The following HOOK1 variants were observed in gnomAD, a reference collection of about 807,000 sequenced individuals.
HOOK1 encodes hook microtubule tethering protein 1, also known as protein Hook homolog 1.
Under a neutral mutation model 112.8 loss-of-function variants are expected in HOOK1, and 60 were observed. The observed-to-expected ratio is 0.53, with a 90% CI of 0.43 to 0.66. HOOK1 has a LOEUF of 0.66. Among genes scored for constraint, HOOK1 ranks in the 30% least tolerant of loss-of-function variants. HOOK1 has a pLI of 0.00. For synonymous variants in HOOK1, 294 were observed against 283.8 expected (o/e 1.04, Z -0.36); for missense variants, 770 against 856.0 (o/e 0.90, Z 1.25).
At chr1:59,856,236 C>G (rs908697013) in intron 12 of HOOK1, among the ~76,000 whole-genome samples, 2 of 150,362 alleles carry the variant, frequency 1.3e-5, no homozygotes, top group African/African-American at 4.9e-5. Context: ...TGAGCTACCA[C>G]AACCAGCCCC....
intron 16 of HOOK1, chr1:59,863,975 A>ACATTTATCTT: frequency 1.1e-5 from 2 of 189,688 alleles, no homozygotes; most frequent in Non-Finnish European, 2.0e-5. Flanking sequence ...TGTTTTAAAG[A>ACATTTATCTT]TAAATGTCTT....
intron 14 of HOOK1, among the ~76,000 whole-genome samples, chr1:59,859,927 C>G (rs1288033349): frequency 6.6e-6 from 1 of 152,006 alleles, no homozygotes; most frequent in Non-Finnish European, 1.5e-5. Context: ...TGATTTATAG[C>G]ATAATCTTAT....
chr1:59,831,373 C>T (rs991432881), intron 3 of HOOK1, among the ~76,000 whole-genome samples: 17 of 152,192 alleles, frequency 1.1e-4, no homozygotes, highest in Non-Finnish European at 1.5e-4. Flanking sequence ...AGCATGGTGT[C>T]TTCATTCTGG....
chr1:59,827,300 T>C (rs1022571036), intron 2 of HOOK1, among the ~76,000 whole-genome samples: 7 of 152,196 alleles, frequency 4.6e-5, no homozygotes, highest in African/African-American at 1.4e-4. Context: ...AGTCTACTGA[T>C]TTAAATGTTA....
intron 12 of HOOK1, among the ~76,000 whole-genome samples, chr1:59,855,984 A>ATATATATAT (rs2098410511): frequency 3.3e-5 from 2 of 60,292 alleles, no homozygotes; most frequent in Admixed American, 2.2e-4. Context: ...ATATATATAT[A>ATATATATAT]TTTTTTTTTT....
chr1:59,832,618 G>A (rs889795495), intron 4 of HOOK1, among the ~76,000 whole-genome samples: 1 of 151,978 alleles, frequency 6.6e-6, no homozygotes, highest in Non-Finnish European at 1.5e-5. Flanking sequence ...TGGAAAAAAT[G>A]CAAAATAAAA....
chr1:59,834,397 G>A (rs2098396118), intron 5 of HOOK1, among the ~76,000 whole-genome samples: 1 of 152,110 alleles, frequency 6.6e-6, no homozygotes, highest in Non-Finnish European at 1.5e-5. Context: ...ATTAATTGTA[G>A]TTTATCAATT....
At chr1:59,868,209 TTAAAA>T in intron 19 of HOOK1, 36 bp from the exon 20 acceptor site, 2 of 1,088,188 alleles carry the variant, frequency 1.8e-6, no homozygotes, top group Non-Finnish European at 2.8e-6. Flanking sequence ...TTTTAATACT[TTAAAA>T]TATAAAGTGA....
chr1:59,818,174 T>C (rs1024202146), intron 1 of HOOK1, among the ~76,000 whole-genome samples: 1 of 152,126 alleles, frequency 6.6e-6, no homozygotes, highest in African/African-American at 2.4e-5. Flanking sequence ...CCTTTGGCTA[T>C]AGATTAAAGG....
chr1:59,840,167 A>G, intron 7 of HOOK1, 141 bp from the exon 8 acceptor site: 2 of 431,048 alleles, frequency 4.6e-6, no homozygotes, highest in Non-Finnish European at 8.0e-6. Context: ...TTGTTGTAAG[A>G]GTCATTTCTT....
intron 9 of HOOK1, among the ~76,000 whole-genome samples, chr1:59,843,998 C>T (rs536403042): frequency 6.6e-6 from 1 of 152,124 alleles, no homozygotes; most frequent in East Asian, 1.9e-4. Context: ...ATTTCTTTAA[C>T]AAAGTCATGT....
At chr1:59,871,528 G>A in intron 21 of HOOK1, among the ~76,000 whole-genome samples, 1 of 152,184 alleles carries the variant, frequency 6.6e-6, no homozygotes, top group Non-Finnish European at 1.5e-5. Flanking sequence ...TAAAGCCTCA[G>A]TGTGTCCTTT....
chr1:59,856,609 G>C (rs12407264), intron 12 of HOOK1, among the ~76,000 whole-genome samples: 4,951 of 151,692 alleles, frequency 0.033, 97 homozygotes, highest in Non-Finnish European at 0.046. Context: ...GTTTATTGTT[G>C]TTGCTGTTTG....
intron 12 of HOOK1, among the ~76,000 whole-genome samples, chr1:59,855,189 T>G (rs1189193226): frequency 3.9e-5 from 6 of 152,214 alleles, no homozygotes; most frequent in Non-Finnish European, 5.9e-5. Context: ...GTTATATAGG[T>G]CAACTCATGC....
intron 6 of HOOK1, 133 bp downstream of exon 6, chr1:59,835,545 TC>T: frequency 1.7e-6 from 1 of 578,346 alleles, no homozygotes; most frequent in Middle Eastern, 4.1e-4. Flanking sequence ...TAGTGGGTCT[TC>T]CTTTTTTACC....
chr1:59,847,358 C>T (rs978886105), intron 10 of HOOK1, among the ~76,000 whole-genome samples, 173 bp downstream of exon 10: 2 of 151,636 alleles, frequency 1.3e-5, no homozygotes, highest in African/African-American at 4.8e-5. Flanking sequence ...TTTGGGCTTG[C>T]AGTTCATGGA....
Position 59,821,838 on chromosome 1 carries a change from T to C in HOOK1, c.64-20T>C, listed in dbSNP as rs756697198. The C allele has an allele frequency of 1.0e-5, 16 of 1,544,502 alleles. No individual in the cohort carries two copies. In the South Asian group the frequency reaches 1.8e-4, roughly 18 times the overall value. On this transcript the variant is annotated intron_variant, in intron 1 of 21. Coordinates refer to ENST00000371208, the MANE Select transcript of HOOK1 (RefSeq NM_015888.6). ...TAGGTATAAAGAAGCAGTAAGATCA[T>C]TTGATTTATGTCATTTTAGCTGCAG...
chr1:59,868,594 A>G (rs1281302386), intron 20 of HOOK1, among the ~76,000 whole-genome samples: 3 of 152,228 alleles, frequency 2.0e-5, no homozygotes, highest in African/African-American at 7.2e-5. Flanking sequence ...AACAGGCATT[A>G]TATGGCTATC....
intron 15 of HOOK1, among the ~76,000 whole-genome samples, chr1:59,861,583 G>A (rs1022445325): frequency 6.6e-6 from 1 of 152,140 alleles, no homozygotes; most frequent in African/African-American, 2.4e-5. Context: ...TAGTAACCAT[G>A]TAGTAACCAA....
Sources: allele counts gnomAD v4.1 joint callset (sites outside exome capture counted in the v4.1 genomes callset), GRCh38; gene constraint gnomAD v4.1.1; transcripts MANE v1.5; gene names NCBI Gene and HGNC (gene_info 2026-07-23, HGNC 2026-07-21).